Variants in RBFOX1 observed in about 807,000 individuals in gnomAD.
The protein encoded by RBFOX1 is RNA binding protein fox-1 homolog 1.
Under a neutral mutation model 57.7 loss-of-function variants are expected in RBFOX1, and 8 were observed. The observed-to-expected ratio is 0.14, with a 90% CI of 0.08 to 0.25. RBFOX1 has a LOEUF of 0.25. Among genes scored for constraint, RBFOX1 ranks in the 10% least tolerant of loss-of-function variants. The pLI is 1.00. For missense variants in RBFOX1, 611 were observed against 548.5 expected (o/e 1.11, Z -1.14); for synonymous variants, 326 against 222.4 (o/e 1.47, Z -4.15).
At chr16:6,689,134 A>T (rs1371709233) in intron 3 of RBFOX1, among the ~76,000 whole-genome samples, 1 of 152,180 alleles carries the variant, frequency 6.6e-6, no homozygotes, top group African/African-American at 2.4e-5. Flanking sequence ...ATGATTTATA[A>T]TCCTATGGGT....
chr16:5,278,551 G>A (rs917967424), intron 1 of RBFOX1, among the ~76,000 whole-genome samples: 4 of 152,056 alleles, frequency 2.6e-5, no homozygotes, highest in African/African-American at 7.2e-5. Context: ...GTAAGGGAGG[G>A]GTGTTGTCTT....
chr16:5,989,091 C>A lies in RBFOX1; in HGVS notation c.351+121756C>A, dbSNP rs142511703. On this transcript the variant is annotated intron_variant, in intron 4 of 19. Coordinates refer to the RBFOX1 transcript ENST00000641259. Reference sequence around the variant, plus strand: ...ATCCCAGCACTTTGGGAGGCCGAGGCGGGTGGATCACGAGGTCAAGGGATC... The same window carrying A: ...ATCCCAGCACTTTGGGAGGCCGAGGAGGGTGGATCACGAGGTCAAGGGATC... 6.9e-3 allele frequency among the ~76,000 whole-genome samples: 1,041 copies of A among 150,910 alleles called. 21 individuals carry two copies. The highest frequency in any genetic ancestry group is 0.024 in the African/African-American group (984 of 41,048).
chr16:7,451,020 C>A (rs919260011), intron 4 of RBFOX1, among the ~76,000 whole-genome samples: 1 of 152,104 alleles, frequency 6.6e-6, no homozygotes, highest in African/African-American at 2.4e-5. Flanking sequence ...CTGGGCTTCG[C>A]TTCTGAGTGG....
intron 1 of RBFOX1, among the ~76,000 whole-genome samples, chr16:5,424,255 C>T (rs900797161): frequency 1.3e-5 from 2 of 152,208 alleles, no homozygotes; most frequent in African/African-American, 4.8e-5. Context: ...GAGACAGCGC[C>T]ACCTAATTTT....
chr16:5,442,864 A>T (rs11648547), intron 1 of RBFOX1, among the ~76,000 whole-genome samples: 1,843 of 152,308 alleles, frequency 0.012, 16 homozygotes, highest in Non-Finnish European at 0.018. Context: ...AGATGTGATT[A>T]GGTTAGCTTA....
At chr16:6,441,822 ACT>A (rs1225207521) in intron 2 of RBFOX1, among the ~76,000 whole-genome samples, 3 of 152,018 alleles carry the variant, frequency 2.0e-5, no homozygotes, top group African/African-American at 2.4e-5. Context: ...TGGACTAAAC[ACT>A]CTCTGTCTCA....
At chr16:6,175,488 G>A (rs934073787) in intron 1 of RBFOX1, among the ~76,000 whole-genome samples, 12 of 152,052 alleles carry the variant, frequency 7.9e-5, no homozygotes, top group Non-Finnish European at 1.2e-4. Context: ...TTGACCACCC[G>A]GTTTTTCTGT....
chr16:6,077,401 C>G (rs1197410968), intron 1 of RBFOX1, among the ~76,000 whole-genome samples: 1 of 152,078 alleles, frequency 6.6e-6, no homozygotes. Flanking sequence ...TTGGGGCAAG[C>G]CTGTTTATTA....
chr16:6,777,553 C>T (rs2079586676), intron 3 of RBFOX1, among the ~76,000 whole-genome samples: 1 of 152,110 alleles, frequency 6.6e-6, no homozygotes, highest in Non-Finnish European at 1.5e-5. Context: ...TTAGACCTTG[C>T]AGGCCTGTTT....
chr16:5,615,837 A>C (rs1237626736), intron 3 of RBFOX1, among the ~76,000 whole-genome samples: 2 of 152,194 alleles, frequency 1.3e-5, no homozygotes, highest in Non-Finnish European at 2.9e-5. Context: ...TGGGGTCTTC[A>C]ATGCTTTTTT....
chr16:5,842,921 T>G (rs2056661636), intron 3 of RBFOX1, among the ~76,000 whole-genome samples: 1 of 152,086 alleles, frequency 6.6e-6, no homozygotes, highest in South Asian at 2.1e-4. Flanking sequence ...TGGATTCAAG[T>G]GATTGTCCTG....
At chr16:7,194,503 A>G (rs566993295) in intron 4 of RBFOX1, among the ~76,000 whole-genome samples, 1 of 152,300 alleles carries the variant, frequency 6.6e-6, no homozygotes, top group Admixed American at 6.5e-5. Context: ...TTGGGGCTAA[A>G]GATTTCAAAA....
At chr16:6,324,940 G>T (rs1348737578) in intron 2 of RBFOX1, among the ~76,000 whole-genome samples, 2 of 152,186 alleles carry the variant, frequency 1.3e-5, no homozygotes, top group African/African-American at 4.8e-5. Context: ...ACAGGAGAGT[G>T]TACTATGTAG....
intron 3 of RBFOX1, among the ~76,000 whole-genome samples, chr16:5,732,538 C>A (rs960678965): frequency 1.3e-5 from 2 of 152,176 alleles, no homozygotes; most frequent in African/African-American, 4.8e-5. Flanking sequence ...GAGGCAGGGA[C>A]TTTGGGGTCA....
At chr16:5,885,452 A>G (rs1381223165) in intron 4 of RBFOX1, among the ~76,000 whole-genome samples, 1 of 152,160 alleles carries the variant, frequency 6.6e-6, no homozygotes, top group African/African-American at 2.4e-5. Context: ...ATCACAAAAC[A>G]TGTTAGCTAA....
intron 1 of RBFOX1, among the ~76,000 whole-genome samples, chr16:5,451,551 C>G (rs1473477718): frequency 6.6e-6 from 1 of 152,198 alleles, no homozygotes; most frequent in Non-Finnish European, 1.5e-5. Flanking sequence ...AGGAACTCCA[C>G]TTGTCGGGAA....
At chr16:6,604,228 C>G (rs760552990) in intron 2 of RBFOX1, among the ~76,000 whole-genome samples, 1 of 152,050 alleles carries the variant, frequency 6.6e-6, no homozygotes, top group African/African-American at 2.4e-5. Flanking sequence ...AAGTAGGGAG[C>G]CATGATAGGT....
intron 2 of RBFOX1, among the ~76,000 whole-genome samples, chr16:6,489,733 A>G (rs956544240): frequency 1.3e-5 from 2 of 152,140 alleles, no homozygotes; most frequent in African/African-American, 4.8e-5. Flanking sequence ...ACAGCTTTAT[A>G]TGTTGCTATT....
chr16:6,324,320 T>C (rs1353001365), intron 2 of RBFOX1, among the ~76,000 whole-genome samples: 3 of 152,312 alleles, frequency 2.0e-5, no homozygotes, highest in African/African-American at 7.2e-5. Flanking sequence ...GGAGTGTCAA[T>C]TTGTTCTCAC....
Sources: allele counts gnomAD v4.1 joint callset (sites outside exome capture counted in the v4.1 genomes callset), GRCh38; gene constraint gnomAD v4.1.1; transcripts MANE v1.5; gene names NCBI Gene and HGNC (gene_info 2026-07-23, HGNC 2026-07-21).